DOCK3: variants seen among roughly 807,000 people sequenced by gnomAD.
DOCK3 encodes dedicator of cytokinesis protein 3.
In DOCK3, 60 loss-of-function variants were observed where a neutral mutation model predicts 265.6. That is an observed-to-expected ratio of 0.23 (90% CI 0.18 to 0.28). The LOEUF is 0.28. Among genes scored for constraint, DOCK3 ranks in the 10% least tolerant of loss-of-function variants. The pLI is 1.00. For synonymous variants in DOCK3, 881 were observed against 938.0 expected, an observed-to-expected ratio of 0.94 and a Z score of 1.11; for missense variants, 1,981 against 2,594.3, an observed-to-expected ratio of 0.76 and a Z score of 5.14.
chr3:50,870,721 G>GAT (rs909216705), intron 3 of DOCK3, among the ~76,000 whole-genome samples: 1 of 151,556 alleles, frequency 6.6e-6, no homozygotes, highest in African/African-American at 2.4e-5. Context: ...TTTTTGTGAA[G>GAT]ATATTTTTCT....
chr3:50,881,075 C>T (rs1312022429), intron 3 of DOCK3, among the ~76,000 whole-genome samples: 1 of 152,198 alleles, frequency 6.6e-6, no homozygotes, highest in Non-Finnish European at 1.5e-5. Flanking sequence ...CAAAATTCAA[C>T]AGCCCTTCAT....
chr3:50,763,672 T>C (rs1425669241), intron 1 of DOCK3, among the ~76,000 whole-genome samples: 1 of 152,210 alleles, frequency 6.6e-6, no homozygotes, highest in Admixed American at 6.5e-5. Context: ...TGGCATACAA[T>C]TGTTCAAAGT....
chr3:50,829,002 G>A (rs920522127), intron 2 of DOCK3, among the ~76,000 whole-genome samples: 23 of 152,104 alleles, frequency 1.5e-4, no homozygotes, highest in Non-Finnish European at 2.6e-4. Flanking sequence ...GTGAGCCACC[G>A]CGCCTGGACC....
At chr3:51,317,127 A>G (rs1265685410) in intron 32 of DOCK3, among the ~76,000 whole-genome samples, 1 of 151,916 alleles carries the variant, frequency 6.6e-6, no homozygotes, top group African/African-American at 2.4e-5. Flanking sequence ...TTTTGAGTTG[A>G]TTTCTGTATA....
chr3:51,346,670 G>T (rs1425668527), intron 38 of DOCK3, among the ~76,000 whole-genome samples: 1 of 152,112 alleles, frequency 6.6e-6, no homozygotes, highest in East Asian at 1.9e-4. Context: ...GAGATCGCTG[G>T]GTCAAATGGT....
At chr3:51,065,492 C>A (rs1000132078) in intron 6 of DOCK3, among the ~76,000 whole-genome samples, 1 of 152,166 alleles carries the variant, frequency 6.6e-6, no homozygotes, top group African/African-American at 2.4e-5. Context: ...GTCTGCCCCA[C>A]AGCTCCCAGA....
At chr3:51,203,934 A>C (rs1301629080) in intron 12 of DOCK3, among the ~76,000 whole-genome samples, 1 of 152,204 alleles carries the variant, frequency 6.6e-6, no homozygotes, top group African/African-American at 2.4e-5. Context: ...CTATTTAATA[A>C]ATGGTGCTGG....
intron 9 of DOCK3, among the ~76,000 whole-genome samples, chr3:51,142,726 G>A (rs1001274505): frequency 1.3e-5 from 2 of 152,046 alleles, no homozygotes; most frequent in Admixed American, 6.6e-5. Flanking sequence ...CATTTCTCCT[G>A]AGTAAACACA....
At chr3:50,934,598 A>G (rs994739965) in intron 5 of DOCK3, among the ~76,000 whole-genome samples, 3 of 152,178 alleles carry the variant, frequency 2.0e-5, no homozygotes, top group African/African-American at 4.8e-5. Context: ...AAGCTGAGGC[A>G]GGAGGACTGC....
At chr3:50,871,483 A>G (rs778298160) in intron 3 of DOCK3, among the ~76,000 whole-genome samples, 2 of 151,188 alleles carry the variant, frequency 1.3e-5, no homozygotes, top group African/African-American at 2.4e-5. Flanking sequence ...TTGATTATTA[A>G]ATGTCTTGAG....
At chr3:51,196,102 ATTT>A (rs34862284) in intron 12 of DOCK3, among the ~76,000 whole-genome samples, 1 of 142,588 alleles carries the variant, frequency 7.0e-6, no homozygotes. Context: ...CGCCCAGCTA[ATTT>A]TTTTTTTTTT....
At chr3:51,106,407 C>T (rs935826486) in intron 9 of DOCK3, among the ~76,000 whole-genome samples, 8 of 152,222 alleles carry the variant, frequency 5.3e-5, no homozygotes, top group African/African-American at 1.7e-4. Context: ...GCAGCCTCCC[C>T]ATGCCACTTT....
intron 12 of DOCK3, among the ~76,000 whole-genome samples, chr3:51,174,424 A>C (rs1471768904): frequency 1.3e-5 from 2 of 152,236 alleles, no homozygotes; most frequent in East Asian, 3.8e-4. Context: ...AGCTGAGATC[A>C]TGCCACTCAC....
intron 2 of DOCK3, among the ~76,000 whole-genome samples, chr3:50,810,217 A>G (rs2043660467): frequency 6.6e-6 from 1 of 152,044 alleles, no homozygotes; most frequent in Non-Finnish European, 1.5e-5. Flanking sequence ...GTTTTTATTT[A>G]TCTAAGTGGT....
chr3:50,881,551 C>G (rs1418303217), intron 3 of DOCK3, among the ~76,000 whole-genome samples: 1 of 152,150 alleles, frequency 6.6e-6, no homozygotes, highest in Non-Finnish European at 1.5e-5. Context: ...AGGAATCCAA[C>G]TTACAAGGGA....
intron 5 of DOCK3, among the ~76,000 whole-genome samples, chr3:51,020,273 GA>G (rs34694087): frequency 0.9 from 136,645 of 151,666 alleles, 61,795 homozygotes; most frequent in African/African-American, 0.95. Flanking sequence ...TTCTCCTTTT[GA>G]GAAGTATCTG....
intron 35 of DOCK3, among the ~76,000 whole-genome samples, chr3:51,337,461 A>G (rs2084947312): frequency 6.6e-6 from 1 of 152,156 alleles, no homozygotes; most frequent in Non-Finnish European, 1.5e-5. Flanking sequence ...AGAAATCTGT[A>G]TAAACCCCTT....
chr3:50,930,277 G>A (rs1005676679), intron 4 of DOCK3, among the ~76,000 whole-genome samples: 2 of 152,208 alleles, frequency 1.3e-5, no homozygotes, highest in African/African-American at 4.8e-5. Flanking sequence ...CATCACTCAT[G>A]TTTCCCTATT....
intron 9 of DOCK3, among the ~76,000 whole-genome samples, chr3:51,096,589 T>C (rs2082867569): frequency 6.6e-6 from 1 of 152,220 alleles, no homozygotes. Flanking sequence ...GGTTAGAACA[T>C]GCTCCTTTAG....
Sources: allele counts gnomAD v4.1 joint callset (sites outside exome capture counted in the v4.1 genomes callset), GRCh38; gene constraint gnomAD v4.1.1; transcripts MANE v1.5; gene names NCBI Gene and HGNC (gene_info 2026-07-23, HGNC 2026-07-21).